CLIP4: variants seen among roughly 807,000 people sequenced by gnomAD.
CLIP4 encodes the protein CAP-Gly domain containing linker protein family member 4.
A neutral mutation model predicts 73.1 loss-of-function variants in CLIP4; 47 were observed. The observed-to-expected ratio is 0.64, with a 90% confidence interval of 0.51 to 0.82. CLIP4 has a LOEUF of 0.82. Ranked by LOEUF, CLIP4 falls within the 40% of genes least tolerant of loss-of-function variation. CLIP4 has a pLI of 0.00. For synonymous variants in CLIP4, 306 were observed against 295.4 expected, an observed-to-expected ratio of 1.04 and a Z score of -0.37; for missense variants, 874 against 852.9, an observed-to-expected ratio of 1.02 and a Z score of -0.31.
At chr2:29,168,804 G>A (rs1351281852) in intron 14 of CLIP4, among the ~76,000 whole-genome samples, 1 of 151,712 alleles carries the variant, frequency 6.6e-6, no homozygotes, top group Non-Finnish European at 1.5e-5. Flanking sequence ...TTACAGGTGT[G>A]AGCCACCACG....
At chr2:29,160,285 TCTC>T in intron 11 of CLIP4, 45 bp from the exon 12 acceptor site, 1 of 1,613,108 alleles carries the variant, frequency 6.2e-7, no homozygotes, top group Non-Finnish European at 8.5e-7. Flanking sequence ...CTTTGTTTTT[TCTC>T]CTCTTTTCCT....
upstream of CLIP4, among the ~76,000 whole-genome samples, chr2:29,113,370 A>G (rs1012389701): frequency 3.3e-5 from 5 of 152,132 alleles, no homozygotes; most frequent in African/African-American, 1.2e-4. This position sits in a 1 kb window ranked among gnomAD's most constrained non-coding sequence, Gnocchi z 4.0. Context: ...TCCCACCCCA[A>G]TGAATAGTTC....
At chr2:29,169,835 T>G (rs1667890835) in intron 14 of CLIP4, among the ~76,000 whole-genome samples, 1 of 152,176 alleles carries the variant, frequency 6.6e-6, no homozygotes, top group Admixed American at 6.5e-5. Context: ...CCCTGTGCTA[T>G]TGAATACTAG....
intron 8 of CLIP4, among the ~76,000 whole-genome samples, chr2:29,148,588 TC>T (rs1297598682): frequency 1.3e-5 from 2 of 152,212 alleles, no homozygotes; most frequent in Non-Finnish European, 2.9e-5. Context: ...TGCCCTCAAA[TC>T]CTGCTCCTTA....
chr2:29,130,314 A>G (rs1412637813), intron 2 of CLIP4, among the ~76,000 whole-genome samples: 1 of 152,212 alleles, frequency 6.6e-6, no homozygotes, highest in East Asian at 1.9e-4. Flanking sequence ...AACTGCAAAT[A>G]GGGAGACTTC....
At chr2:29,154,027 A>G (rs552911917) in intron 9 of CLIP4, among the ~76,000 whole-genome samples, 1 of 152,196 alleles carries the variant, frequency 6.6e-6, no homozygotes, top group Non-Finnish European at 1.5e-5. Flanking sequence ...CATCTTTACA[A>G]TAGTCAGTTT....
intron 8 of CLIP4, among the ~76,000 whole-genome samples, chr2:29,148,890 G>A (rs1666353243): frequency 6.6e-6 from 1 of 152,158 alleles, no homozygotes; most frequent in Non-Finnish European, 1.5e-5. Flanking sequence ...AAGTAAATGT[G>A]TTGAGACCTT....
At chr2:29,143,986 T>C (rs750023398) in intron 7 of CLIP4, 41 bp downstream of exon 7, 3 of 1,541,474 alleles carry the variant, frequency 1.9e-6, no homozygotes. Context: ...AGGGTTGTTA[T>C]GTCCATGACC....
At chr2:29,102,913 C>T (rs1668092977) in intron 1 of CLIP4, among the ~76,000 whole-genome samples, 1 of 152,088 alleles carries the variant, frequency 6.6e-6, no homozygotes, top group South Asian at 2.1e-4. Context: ...CCACTGCGCC[C>T]AGTACACCAC....
At chr2:29,126,432 C>T (rs1429515819) in intron 2 of CLIP4, among the ~76,000 whole-genome samples, 2 of 152,084 alleles carry the variant, frequency 1.3e-5, no homozygotes, top group African/African-American at 4.8e-5. Flanking sequence ...CCCTTTGTTT[C>T]TTCTTCTATA....
At chr2:29,180,027 G>A (rs1573057266) in intron 15 of CLIP4, among the ~76,000 whole-genome samples, 1 of 152,146 alleles carries the variant, frequency 6.6e-6, no homozygotes, top group Non-Finnish European at 1.5e-5. Context: ...GTGTGACAGT[G>A]TATTAAAAAT....
chr2:29,116,025 G>A (rs959622822), intron 1 of CLIP4, among the ~76,000 whole-genome samples: 1 of 152,204 alleles, frequency 6.6e-6, no homozygotes, highest in African/African-American at 2.4e-5. Context: ...CCCCGCACGC[G>A]CAGTGGCTTT....
chr2:29,112,758 A>G (rs1668414874), upstream of CLIP4, among the ~76,000 whole-genome samples: 2 of 152,228 alleles, frequency 1.3e-5, no homozygotes, highest in Admixed American at 1.3e-4. Flanking sequence ...TTGAACTCCA[A>G]TCTGGTGCCC....
intron 2 of CLIP4, among the ~76,000 whole-genome samples, chr2:29,123,658 G>T (rs893037079): frequency 1.3e-5 from 2 of 152,158 alleles, no homozygotes; most frequent in African/African-American, 4.8e-5. Flanking sequence ...TTAATGGAAG[G>T]TCTTTGTGGC....
intron 14 of CLIP4, among the ~76,000 whole-genome samples, chr2:29,171,521 CTT>C (rs71403652): frequency 2.4e-4 from 34 of 139,896 alleles, no homozygotes; most frequent in Non-Finnish European, 2.8e-4. Context: ...TTAGGTTTTC[CTT>C]TTTTTTTTTT....
At chr2:29,108,569 A>G (rs1668298824) in intron 1 of CLIP4, among the ~76,000 whole-genome samples, 1 of 152,258 alleles carries the variant, frequency 6.6e-6, no homozygotes, top group African/African-American at 2.4e-5. Context: ...AACCACAGAA[A>G]GTGAAACTGC....
chr2:29,175,801 A>C (rs756559229), intron 15 of CLIP4, among the ~76,000 whole-genome samples: 2 of 152,086 alleles, frequency 1.3e-5, no homozygotes, highest in Admixed American at 6.5e-5. Flanking sequence ...TTGCTCTGTC[A>C]CCCAGGCTGG....
chr2:29,132,475 C>A, intron 4 of CLIP4: 1 of 522,574 alleles, frequency 1.9e-6, no homozygotes, highest in Non-Finnish European at 3.4e-6. Flanking sequence ...GGCCTCATGC[C>A]TGATTGCATA....
intron 11 of CLIP4, among the ~76,000 whole-genome samples, chr2:29,159,872 G>T (rs1352656670): frequency 1.3e-5 from 2 of 152,288 alleles, no homozygotes; most frequent in South Asian, 2.1e-4. Context: ...ATGCAGCCAT[G>T]CACATTTGAA....
Sources: gnomAD v4.1 joint callset for allele counts (sites outside exome capture counted in the v4.1 genomes callset) on GRCh38, gnomAD v4.1.1 for gene constraint, Gnocchi (gnomAD v3.1) non-coding constraint, MANE v1.5 for transcripts, NCBI Gene and HGNC (gene_info 2026-07-23, HGNC 2026-07-21) for gene names.